UMAD1: variants seen among roughly 807,000 people sequenced by gnomAD.
UMAD1 encodes the protein UBAP1-MVB12-associated (UMA) domain containing 1.
In UMAD1, 8 loss-of-function variants were observed where a neutral mutation model predicts 6.1. The ratio of observed to expected loss-of-function variants is 1.30; its 90% confidence interval spans 0.76 to 2.35. UMAD1 has a LOEUF of 2.35. Ranked by LOEUF, UMAD1 falls within the 30% of genes most tolerant of loss-of-function variation. The pLI, the probability that UMAD1 is intolerant of heterozygous loss-of-function variation, is 0.00. For synonymous variants in UMAD1, 56 were observed against 31.4 expected (o/e 1.78, Z -2.61); for missense variants, 130 against 78.4 (o/e 1.66, Z -2.49).
chr7:7,836,602 A>T (rs1309488977), intron 3 of UMAD1, among the ~76,000 whole-genome samples: 14 of 152,020 alleles, frequency 9.2e-5, no homozygotes, highest in African/African-American at 3.1e-4. Context: ...CAAACTAAAT[A>T]TGTTTACTAT....
Position 7,770,138 on chromosome 7 carries a change from A to G in UMAD1, c.83-31532A>G, listed in dbSNP as rs1194028068. On this transcript the variant is annotated intron_variant, in intron 2 of 3. Transcript: ENST00000682710. ...ACTTATCCCCTCATTTTAAAGTAAT[A>G]ATTTACCTCCCTTCTCATATTTCTA... 3.3e-5 allele frequency among the ~76,000 whole-genome samples: 5 copies of G among 152,244 alleles called. 1 individual carries two copies. Among genetic ancestry groups the G allele is most frequent in the African/African-American group, 7.2e-5 (3 of 41,540 alleles).
intron 2 of UMAD1, among the ~76,000 whole-genome samples, chr7:7,744,790 T>A (rs368010625): frequency 5.5e-4 from 84 of 152,328 alleles, no homozygotes; most frequent in African/African-American, 1.9e-3. Context: ...TATTGAATTC[T>A]AAGAGTTCTT....
chr7:7,873,594 T>G (rs1374935833), intron 3 of UMAD1, among the ~76,000 whole-genome samples: 5 of 152,210 alleles, frequency 3.3e-5, no homozygotes, highest in African/African-American at 1.2e-4. Context: ...GGTGTTATTT[T>G]CACATGAAAT....
At chr7:7,750,958 C>T (rs2115219109) in intron 2 of UMAD1, among the ~76,000 whole-genome samples, 1 of 152,274 alleles carries the variant, frequency 6.6e-6, no homozygotes, top group Middle Eastern at 3.4e-3. Flanking sequence ...CCCCATAATA[C>T]TTTGAAATTC....
In UMAD1 at chr7:7,763,479, T is replaced by A. The variant is rs533065421; in HGVS notation, c.83-38191T>A. 1.6e-4 allele frequency among the ~76,000 whole-genome samples: 24 copies of A among 152,340 alleles called. No individual in the cohort carries two copies. The East Asian group carries it at 4.6e-3, about 29-fold the overall frequency. Reference sequence around the variant, plus strand: ...TGTGTTTATGTCCATGTGTGCTCAATGTTTAGCTCTCATTTATAAATGAGA... The same window carrying A: ...TGTGTTTATGTCCATGTGTGCTCAAAGTTTAGCTCTCATTTATAAATGAGA... On this transcript the variant is annotated intron_variant, in intron 2 of 3. Coordinates refer to ENST00000682710, the MANE Select transcript of UMAD1 (RefSeq NM_001302348.2).
chr7:7,772,112 G>A (rs1198804123), intron 2 of UMAD1, among the ~76,000 whole-genome samples: 2 of 152,046 alleles, frequency 1.3e-5, no homozygotes, highest in African/African-American at 2.4e-5. Context: ...TAAATTAACT[G>A]GGAATATTTA....
chr7:7,641,271 C>T (rs1268924509), intron 1 of UMAD1: 5 of 152,216 alleles, frequency 3.3e-5, no homozygotes, highest in African/African-American at 4.8e-5. Context: ...CCCGCTAACC[C>T]CTCCGTGTTG....
At chr7:7,805,619 C>G (rs796396659) in intron 3 of UMAD1, among the ~76,000 whole-genome samples, 15 of 152,256 alleles carry the variant, frequency 9.9e-5, no homozygotes, top group African/African-American at 3.6e-4. Flanking sequence ...TGCTAAGCTC[C>G]TTGCAGTGGG....
intron 2 of UMAD1, among the ~76,000 whole-genome samples, chr7:7,683,960 T>C (rs1779977945): frequency 6.6e-6 from 1 of 152,214 alleles, no homozygotes; most frequent in South Asian, 2.1e-4. Context: ...AGTTTTCCCT[T>C]GGTATCTGTG....
intron 2 of UMAD1, among the ~76,000 whole-genome samples, chr7:7,775,062 A>G (rs750558721): frequency 6.6e-6 from 1 of 152,140 alleles, no homozygotes; most frequent in South Asian, 2.1e-4. Context: ...GTTCACTGTC[A>G]TATGTGTTTC....
intron 2 of UMAD1, among the ~76,000 whole-genome samples, chr7:7,717,572 C>G (rs1472660014): frequency 6.6e-6 from 1 of 152,156 alleles, no homozygotes; most frequent in Non-Finnish European, 1.5e-5. Flanking sequence ...CCCACTTTAA[C>G]TGATTTTTTT....
At chr7:7,850,587 T>C (rs574334816) in intron 3 of UMAD1, among the ~76,000 whole-genome samples, 3 of 152,278 alleles carry the variant, frequency 2.0e-5, no homozygotes, top group African/African-American at 7.2e-5. Flanking sequence ...GGCCAAGTGT[T>C]ATAAAATTTC....
intron 2 of UMAD1, among the ~76,000 whole-genome samples, chr7:7,727,829 G>C (rs1781169629): frequency 6.6e-6 from 1 of 152,126 alleles, no homozygotes; most frequent in Non-Finnish European, 1.5e-5. Context: ...TCAGTTTGTA[G>C]ATGGCTTATT....
At chr7:7,655,960 C>T (rs188480702) in intron 1 of UMAD1, among the ~76,000 whole-genome samples, 170 of 152,106 alleles carry the variant, frequency 1.1e-3, no homozygotes, top group African/African-American at 3.7e-3. Context: ...CTCAGCCTTC[C>T]GAGTAGCTGG....
intron 2 of UMAD1, among the ~76,000 whole-genome samples, chr7:7,707,856 A>G (rs1459501662): frequency 6.6e-6 from 1 of 152,122 alleles, no homozygotes; most frequent in African/African-American, 2.4e-5. Context: ...TAATGTAGTT[A>G]TTTTGCTATG....
intron 1 of UMAD1, among the ~76,000 whole-genome samples, chr7:7,670,346 G>C (rs575929170): frequency 1.3e-5 from 2 of 152,034 alleles, no homozygotes; most frequent in African/African-American, 4.8e-5. Flanking sequence ...CTTCGTAAAG[G>C]GTCTCTCTAT....
intron 1 of UMAD1, among the ~76,000 whole-genome samples, chr7:7,670,359 A>T (rs1469237821): frequency 1.3e-5 from 2 of 152,218 alleles, no homozygotes; most frequent in Admixed American, 6.5e-5. Context: ...CTCTCTATAT[A>T]TACAAAAGTT....
intron 2 of UMAD1, among the ~76,000 whole-genome samples, chr7:7,800,069 G>C (rs1326083084): frequency 6.6e-6 from 1 of 152,178 alleles, no homozygotes; most frequent in East Asian, 1.9e-4. Context: ...TTTTAGTAGA[G>C]ACGGAGTTTC....
intron 3 of UMAD1, among the ~76,000 whole-genome samples, chr7:7,820,224 A>G (rs1783215516): frequency 2.0e-5 from 1 of 51,028 alleles, no homozygotes; most frequent in South Asian, 6.8e-4. Context: ...AATTATAGAT[A>G]AATTATAGAC....
Sources: gnomAD v4.1 joint callset for allele counts (sites outside exome capture counted in the v4.1 genomes callset) on GRCh38, gnomAD v4.1.1 for gene constraint, MANE v1.5 for transcripts, NCBI Gene and HGNC (gene_info 2026-07-23, HGNC 2026-07-21) for gene names.